The following DOCK1 variants were observed in gnomAD, a reference collection of about 807,000 sequenced individuals.
The protein encoded by DOCK1 is dedicator of cytokinesis 1, also known as dedicator of cytokinesis protein 1.
Under a neutral mutation model 262.7 loss-of-function variants are expected in DOCK1, and 138 were observed. The observed-to-expected ratio is 0.53, with a 90% CI of 0.46 to 0.61. The LOEUF (loss-of-function observed/expected upper bound fraction) is 0.61. Among genes scored for constraint, DOCK1 ranks in the 20% least tolerant of loss-of-function variants. DOCK1 has a pLI of 0.00. For synonymous variants in DOCK1, 866 were observed against 867.4 expected (o/e 1.00, Z 0.03); for missense variants, 1,908 against 2,370.7 (o/e 0.80, Z 4.05).
intron 16 of DOCK1, among the ~76,000 whole-genome samples, chr10:127,029,581 G>T (rs975151525): frequency 8.5e-5 from 13 of 152,196 alleles, no homozygotes; most frequent in Non-Finnish European, 1.8e-4. Flanking sequence ...TTGTTGGGTA[G>T]GGCGGCCTAG....
At chr10:127,017,190 T>TACAC (rs139971076) in intron 12 of DOCK1, among the ~76,000 whole-genome samples, 120,250 of 148,908 alleles carry the variant, frequency 0.81, 48,581 homozygotes, top group South Asian at 0.89. Flanking sequence ...ACACCACACA[T>TACAC]ACACACGCAC....
chr10:127,198,137 G>T (rs879403243), intron 27 of DOCK1, among the ~76,000 whole-genome samples: 2 of 152,170 alleles, frequency 1.3e-5, no homozygotes, highest in South Asian at 4.1e-4. Flanking sequence ...AATTTTGTGT[G>T]AGCAGTATGG....
chr10:126,915,877 A>G (rs188019566), intron 1 of DOCK1, among the ~76,000 whole-genome samples: 46 of 151,874 alleles, frequency 3.0e-4, no homozygotes, highest in African/African-American at 1.0e-3. Context: ...CTGTGTACTA[A>G]AGCTTGCTAA....
At chr10:127,088,771 TG>T (rs541164502) in intron 23 of DOCK1, among the ~76,000 whole-genome samples, 133 of 152,266 alleles carry the variant, frequency 8.7e-4, no homozygotes, top group Non-Finnish European at 1.4e-3. Context: ...TAGAATCCCA[TG>T]GTTGCCAGTT....
intron 38 of DOCK1, among the ~76,000 whole-genome samples, chr10:127,395,345 G>C (rs1002681148): frequency 6.6e-6 from 1 of 152,102 alleles, no homozygotes; most frequent in African/African-American, 2.4e-5. Flanking sequence ...CCTGGCAGGT[G>C]TGGCGGCGCT....
At chr10:127,378,920 C>G (rs564018946) in intron 35 of DOCK1, among the ~76,000 whole-genome samples, 3 of 152,178 alleles carry the variant, frequency 2.0e-5, no homozygotes, top group African/African-American at 4.8e-5. Context: ...TAAATGTGCC[C>G]CCGCTTATTT....
chr10:127,282,079 G>T (rs940436520), intron 29 of DOCK1, among the ~76,000 whole-genome samples: 2 of 152,208 alleles, frequency 1.3e-5, no homozygotes. Flanking sequence ...GTGTTGGGCT[G>T]CATTCAAAGC....
chr10:127,300,433 T>C (rs1284300443), intron 29 of DOCK1, among the ~76,000 whole-genome samples: 4 of 152,146 alleles, frequency 2.6e-5, no homozygotes, highest in South Asian at 2.1e-4. Context: ...TGTTCTAGCA[T>C]TGGGGACTGC....
chr10:127,401,031 T>A (rs2067193330), intron 38 of DOCK1, among the ~76,000 whole-genome samples: 1 of 152,110 alleles, frequency 6.6e-6, no homozygotes, highest in South Asian at 2.1e-4. Context: ...TTCAGGTTTT[T>A]TGCATGTCTG....
intron 44 of DOCK1, among the ~76,000 whole-genome samples, chr10:127,417,378 G>T (rs2068222958): frequency 6.6e-6 from 1 of 152,200 alleles, no homozygotes; most frequent in Non-Finnish European, 1.5e-5. Context: ...GCCAGGCCAG[G>T]CCCTGTGGGG....
chr10:126,906,816 T>G (rs7089939), intron 1 of DOCK1, among the ~76,000 whole-genome samples: 146,337 of 152,148 alleles, frequency 0.96, 70,653 homozygotes, highest in East Asian at 1. Flanking sequence ...ACTTACAGTA[T>G]GCCCTGACCA....
rs918849824 is a variant in DOCK1, at chr10:127,012,131, G to A, written c.1059-101G>A. 1.2e-5 allele frequency: 8 copies of A among 665,670 alleles called. No homozygotes were observed. The highest frequency in any genetic ancestry group is 1.9e-5 in the Non-Finnish European group (7 of 364,952). The allele number at this position is 665,670 out of a possible 1,614,324, so 41.2% of individuals were successfully genotyped here. ...CGTTGACTCATGATGCCTCCCTCTC[G>A]CACTCGGTGACGATGATCTCTTATG... On this transcript the variant is annotated intron_variant, in intron 11 of 51. Transcript: ENST00000623213. This position sits in a 1 kb window ranked among gnomAD's most constrained non-coding sequence, Gnocchi z 4.0.
intron 22 of DOCK1, among the ~76,000 whole-genome samples, chr10:127,054,627 C>T (rs979331301): frequency 6.6e-6 from 1 of 152,054 alleles, no homozygotes; most frequent in Non-Finnish European, 1.5e-5. Flanking sequence ...AACTTCCTGG[C>T]CCCCCCTGCC....
intron 6 of DOCK1, among the ~76,000 whole-genome samples, chr10:126,994,605 C>G (rs932593048): frequency 2.0e-5 from 3 of 152,196 alleles, no homozygotes; most frequent in Non-Finnish European, 2.9e-5. Context: ...TGAGTGGACA[C>G]AGCACATGTT....
At position 127,175,149 on chromosome 10, in the gene DOCK1, T is replaced by C; in HGVS notation, c.2847+47385T>C. 1 of 1,391,844 alleles carries C rather than the reference T, an allele frequency of 7.2e-7. No homozygotes were observed. The highest frequency in any genetic ancestry group is 9.9e-7 in the Non-Finnish European group (1 of 1,006,054). 86.2% of individuals were successfully genotyped at this position (1,391,844 alleles called of 1,614,324 possible). On this transcript the variant is annotated intron_variant, in intron 27 of 51. Transcript: ENST00000623213. The surrounding 1 kb of genome is among the most constrained non-coding windows in gnomAD (Gnocchi z 6.3). Reference sequence around the variant, plus strand: ...CTCATTACAGACTTGGGTTTGGGGCTACAGATGGACTCTGTGGTGATCAGC... The same window carrying C: ...CTCATTACAGACTTGGGTTTGGGGCCACAGATGGACTCTGTGGTGATCAGC...
chr10:127,063,464 A>T (rs972681447), intron 23 of DOCK1, among the ~76,000 whole-genome samples: 1 of 151,686 alleles, frequency 6.6e-6, no homozygotes. Flanking sequence ...CTTCACTACG[A>T]TTTCTTGATT....
chr10:127,425,898 A>G lies in DOCK1; in HGVS notation c.4801A>G (p.Arg1601Gly). Residue 1601 changes from arginine (R) to glycine (G), a missense_variant, in exon 47 of 52, where the codon AGA (arginine) becomes GGA (glycine). Arg to Gly is a moderately radical substitution (Grantham distance 125). Around this residue, in one of 9 missense-constraint regions of DOCK1, gnomAD observed 383 missense variants for 420.1 expected, o/e 0.91. Transcript: ENST00000623213. ...WQIPFLAEGI[R>G]IHGDKVTEAL... ...GATTCCTTTTCTGGCCGAAGGGATC[A>G]GAATCCATGGAGACAAAGTCACGGA... is the stretch of plus-strand genomic sequence containing the variant. The G allele has an allele frequency of 6.2e-7, 1 of 1,614,096 alleles. No individual in the cohort carries two copies. The highest frequency in any genetic ancestry group is 8.5e-7 in the Non-Finnish European group (1 of 1,179,908).
chr10:127,147,453 ACCT>A (rs1443166478), intron 27 of DOCK1, among the ~76,000 whole-genome samples: 2 of 151,486 alleles, frequency 1.3e-5, no homozygotes, highest in South Asian at 4.2e-4. Context: ...GGCTTCCTTC[ACCT>A]CCTCCTCGCC....
chr10:127,197,383 C>T (rs1370114018), intron 27 of DOCK1, among the ~76,000 whole-genome samples: 2 of 152,128 alleles, frequency 1.3e-5, no homozygotes, highest in African/African-American at 4.8e-5. Flanking sequence ...CTTAATTTCC[C>T]ACCCACCAAA....
Sources: allele counts gnomAD v4.1 joint callset (sites outside exome capture counted in the v4.1 genomes callset), GRCh38; gene constraint gnomAD v4.1.1; regional missense constraint gnomAD v4.1.1; non-coding constraint Gnocchi (gnomAD v3.1); transcripts MANE v1.5; gene names NCBI Gene and HGNC (gene_info 2026-07-23, HGNC 2026-07-21).